Variants in CSMD1 observed in about 807,000 individuals in gnomAD.
CSMD1 encodes the protein CUB and Sushi multiple domains 1.
In CSMD1, 213 loss-of-function variants were observed where a neutral mutation model predicts 417.5. The ratio of observed to expected loss-of-function variants is 0.51; its 90% confidence interval spans 0.46 to 0.57. CSMD1 has a LOEUF of 0.57. Among genes scored for constraint, CSMD1 ranks in the 20% least tolerant of loss-of-function variants. The pLI, the probability that CSMD1 is intolerant of heterozygous loss-of-function variation, is 0.00. For synonymous variants in CSMD1, 2,862 were observed against 1,736.8 expected, an observed-to-expected ratio of 1.65 and a Z score of -16.11; for missense variants, 6,923 against 4,529.7, an observed-to-expected ratio of 1.53 and a Z score of -15.17.
chr8:3,496,230 C>T (rs890459597), intron 10 of CSMD1, among the ~76,000 whole-genome samples: 1 of 152,208 alleles, frequency 6.6e-6, no homozygotes, highest in African/African-American at 2.4e-5. Context: ...GGCTCCACTG[C>T]CGACTCTGTC....
At chr8:3,039,811 A>C (rs1810967956) in intron 50 of CSMD1, among the ~76,000 whole-genome samples, 1 of 152,174 alleles carries the variant, frequency 6.6e-6, no homozygotes, top group African/African-American at 2.4e-5. Context: ...GATTGCGTTT[A>C]AAAATTAAGC....
chr8:4,677,600 T>A (rs1157578695), intron 1 of CSMD1, among the ~76,000 whole-genome samples: 1 of 152,198 alleles, frequency 6.6e-6, no homozygotes, highest in African/African-American at 2.4e-5. Context: ...TTTTTCTTTA[T>A]AGCATTTATC....
intron 1 of CSMD1, among the ~76,000 whole-genome samples, chr8:4,699,609 C>T (rs895378255): frequency 1.3e-5 from 2 of 152,110 alleles, no homozygotes; most frequent in Non-Finnish European, 2.9e-5. Flanking sequence ...GAGCTCTTGG[C>T]ATTTATTTGT....
At chr8:3,965,439 G>C (rs574238601) in intron 5 of CSMD1, among the ~76,000 whole-genome samples, 2 of 152,146 alleles carry the variant, frequency 1.3e-5, no homozygotes, top group African/African-American at 2.4e-5. Flanking sequence ...AAAAAGGGTA[G>C]AATGTTTATG....
chr8:3,258,549 C>G (rs1800823600), intron 26 of CSMD1, among the ~76,000 whole-genome samples: 2 of 152,052 alleles, frequency 1.3e-5, no homozygotes, highest in Non-Finnish European at 2.9e-5. Context: ...TCCTCAAAGA[C>G]CTAAAGACAG....
At chr8:4,435,083 T>C (rs963623672) in intron 2 of CSMD1, among the ~76,000 whole-genome samples, 2 of 152,162 alleles carry the variant, frequency 1.3e-5, no homozygotes, top group African/African-American at 2.4e-5. Flanking sequence ...GTAATAAAAA[T>C]GGAAGCCATT....
intron 47 of CSMD1, among the ~76,000 whole-genome samples, chr8:3,096,166 A>C (rs1464511594): frequency 6.6e-6 from 1 of 152,222 alleles, no homozygotes; most frequent in Non-Finnish European, 1.5e-5. Context: ...AAAAAATCAA[A>C]TAATGGTTAA....
chr8:4,661,380 C>T (rs577113860), intron 1 of CSMD1, among the ~76,000 whole-genome samples: 2 of 152,100 alleles, frequency 1.3e-5, no homozygotes, highest in African/African-American at 4.8e-5. Flanking sequence ...GTATACAAAG[C>T]CAATCCTCAA....
rs528862899 is a variant in CSMD1 at position 3,407,764 on chromosome 8, T to C, written c.2071+135A>G. Reference sequence around the variant, plus strand: ...TTTCAGGATAACACTATAATTTTACTACTGTCATTTTCATAATGATTATAA... The same window carrying C: ...TTTCAGGATAACACTATAATTTTACCACTGTCATTTTCATAATGATTATAA... On this transcript the variant is annotated intron_variant, in intron 14 of 69. Coordinates refer to ENST00000635120, the MANE Select transcript of CSMD1 (RefSeq NM_033225.6). 10 of 780,812 alleles carry C rather than the reference T, an allele frequency of 1.3e-5. No homozygotes were observed. In the South Asian group the frequency reaches 1.9e-4, roughly 15 times the overall value. 48.4% of individuals were successfully genotyped at this position (780,812 alleles called of 1,614,324 possible). A position where few individuals can be genotyped will look rare whatever the true frequency, so the allele number is the denominator to read the frequency against.
At chr8:3,869,722 G>A (rs986586864) in intron 5 of CSMD1, among the ~76,000 whole-genome samples, 1 of 152,072 alleles carries the variant, frequency 6.6e-6, no homozygotes, top group African/African-American at 2.4e-5. Context: ...GCTCATCCTG[G>A]CAGGACCCAC....
chr8:3,008,435 C>A (rs1808128957), intron 52 of CSMD1, among the ~76,000 whole-genome samples: 1 of 152,210 alleles, frequency 6.6e-6, no homozygotes. Context: ...AGAGCAGGGG[C>A]CTCCGCAAGG....
At chr8:4,905,562 G>C (rs980509413) in intron 1 of CSMD1, among the ~76,000 whole-genome samples, 2 of 152,018 alleles carry the variant, frequency 1.3e-5, no homozygotes, top group Non-Finnish European at 2.9e-5. Flanking sequence ...GCTCACATCT[G>C]TAATCCCAGC....
At chr8:2,948,438 A>G (rs777006534) in intron 68 of CSMD1, among the ~76,000 whole-genome samples, 2 of 152,124 alleles carry the variant, frequency 1.3e-5, no homozygotes, top group African/African-American at 2.4e-5. Context: ...CAAATAGTAC[A>G]GAAAGCTATA....
chr8:3,210,940 C>G (rs1215840784), intron 30 of CSMD1, among the ~76,000 whole-genome samples: 1 of 151,920 alleles, frequency 6.6e-6, no homozygotes, highest in East Asian at 1.9e-4. Flanking sequence ...ACACTAGACT[C>G]TATATAATTG....
chr8:4,334,916 C>G (rs1563067060), intron 3 of CSMD1, among the ~76,000 whole-genome samples: 1 of 152,096 alleles, frequency 6.6e-6, no homozygotes, highest in Non-Finnish European at 1.5e-5. Context: ...GACCCACTTT[C>G]TACCCCCACA....
intron 36 of CSMD1, among the ~76,000 whole-genome samples, chr8:3,186,483 A>C (rs1821767572): frequency 6.6e-6 from 1 of 152,208 alleles, no homozygotes; most frequent in Non-Finnish European, 1.5e-5. Context: ...CAACACCTTA[A>C]ATGGCCATGC....
chr8:4,392,768 G>C (rs1180630631), intron 3 of CSMD1, among the ~76,000 whole-genome samples: 3 of 151,668 alleles, frequency 2.0e-5, no homozygotes, highest in Non-Finnish European at 4.4e-5. Context: ...AAGAGATTGA[G>C]AACATCCTGG....
chr8:4,062,915 C>CAAA (rs71205413), intron 3 of CSMD1, among the ~76,000 whole-genome samples: 1,765 of 147,492 alleles, frequency 0.012, 10 homozygotes, highest in Non-Finnish European at 0.016. Flanking sequence ...CTGATCATTG[C>CAAA]AAAAAAAAAA....
At position 2,938,633 on chromosome 8, in the gene CSMD1, C is replaced by T. The variant is rs35310352; in HGVS notation, c.10647G>A (p.Lys3549=). 612 of 1,612,070 alleles carry T rather than the reference C, an allele frequency of 3.8e-4. 3 individuals carry two copies. Among genetic ancestry groups the T allele is most frequent in the African/African-American group, 2.8e-3 (213 of 75,026 alleles). Residue 3549 remains lysine, a synonymous_variant, in exon 70 of 70, where the codon AAG becomes AAA. Coordinates refer to ENST00000635120, the MANE Select transcript of CSMD1 (RefSeq NM_033225.6). ...TCAGAGTTGTGTCAAACCTCACAGC[C>T]TTGGCTTCTGTGGGTTTTAAGTTTG... ...YDTNLKPTEA[K]AVRFDTTLNT...
Sources: gnomAD v4.1 joint callset for allele counts (sites outside exome capture counted in the v4.1 genomes callset) on GRCh38, gnomAD v4.1.1 for gene constraint, MANE v1.5 for transcripts, NCBI Gene and HGNC (gene_info 2026-07-23, HGNC 2026-07-21) for gene names.